The following PEX5L variants were observed in gnomAD, a reference collection of about 807,000 sequenced individuals.
The protein encoded by PEX5L is PEX5-related protein.
Under a neutral mutation model 84.0 loss-of-function variants are expected in PEX5L, and 30 were observed. The observed-to-expected ratio is 0.36, with a 90% CI of 0.27 to 0.48. The LOEUF is 0.48. PEX5L is among the 20% of genes least tolerant of loss of function. The pLI is 0.99. For missense variants in PEX5L, 533 were observed against 754.6 expected, an observed-to-expected ratio of 0.71 and a Z score of 3.44; for synonymous variants, 270 against 283.1, an observed-to-expected ratio of 0.95 and a Z score of 0.46.
chr3:180,036,725 TGGAG>T lies in PEX5L; in HGVS notation c.-130_-127del. The T allele has an allele frequency of 2.9e-6, 3 of 1,021,726 alleles. No homozygotes were observed. The highest frequency in any genetic ancestry group is 4.6e-6 in the Non-Finnish European group (3 of 648,932). The allele number at this position is 1,021,726 out of a possible 1,614,324, so 63.3% of individuals were successfully genotyped here. ...TCTCAGAGGGTGCTCCTGAGCCCCC[TGGAG>T]CTCCGGGTACTCGGCCGGCCGGCGG... On this transcript the variant is annotated 5_prime_UTR_variant, in exon 1 of 15. Transcript: ENST00000467460.
chr3:179,866,452 C>T (rs1256710952), intron 7 of PEX5L, among the ~76,000 whole-genome samples: 1 of 152,194 alleles, frequency 6.6e-6, no homozygotes, highest in Non-Finnish European at 1.5e-5. Context: ...CTATTTTCAT[C>T]TGTAAAGCAT....
At chr3:179,944,067 T>G (rs921001677) in intron 2 of PEX5L, among the ~76,000 whole-genome samples, 2 of 151,688 alleles carry the variant, frequency 1.3e-5, no homozygotes, top group African/African-American at 4.9e-5. Context: ...TAGAACAATT[T>G]ATGAATTCAA....
chr3:179,879,841 C>T, intron 5 of PEX5L, 88 bp downstream of exon 5: 1 of 900,092 alleles, frequency 1.1e-6, no homozygotes, highest in Non-Finnish European at 1.7e-6. Flanking sequence ...CCTTTGTTCT[C>T]TGTTTAATGC....
intron 8 of PEX5L, among the ~76,000 whole-genome samples, chr3:179,839,045 AAATCTATTTTTTTTTC>A: frequency 6.6e-6 from 1 of 152,194 alleles, no homozygotes; most frequent in South Asian, 2.1e-4. Flanking sequence ...AAGAAAAAAA[AAATCTATTTTTTTTTC>A]GGTAGAAAGA....
intron 1 of PEX5L, among the ~76,000 whole-genome samples, chr3:179,979,611 G>A (rs982116115): frequency 2.0e-5 from 3 of 152,068 alleles, no homozygotes; most frequent in African/African-American, 4.8e-5. Context: ...GAGAATTGAC[G>A]TATTATCTTG....
intron 8 of PEX5L, among the ~76,000 whole-genome samples, chr3:179,830,047 T>G (rs1172716438): frequency 6.6e-6 from 1 of 150,504 alleles, no homozygotes; most frequent in Non-Finnish European, 1.5e-5. Context: ...TCCACCCACC[T>G]TGGCCTCCCA....
chr3:179,833,269 A>C (rs187010148), intron 8 of PEX5L, among the ~76,000 whole-genome samples: 1 of 152,358 alleles, frequency 6.6e-6, no homozygotes, highest in East Asian at 1.9e-4. Context: ...TACAAAGAGC[A>C]ACAATATTGA....
chr3:179,807,090 A>G (rs1218116130), intron 14 of PEX5L, among the ~76,000 whole-genome samples: 1 of 152,266 alleles, frequency 6.6e-6, no homozygotes, highest in African/African-American at 2.4e-5. Flanking sequence ...GGAAAAAGAA[A>G]GAGAGGACGC....
intron 1 of PEX5L, among the ~76,000 whole-genome samples, chr3:180,006,014 T>G (rs1268315364): frequency 2.6e-5 from 4 of 152,246 alleles, no homozygotes; most frequent in African/African-American, 4.8e-5. Flanking sequence ...TTTAGAAGTC[T>G]CCTGCTATTG....
chr3:179,939,729 A>G (rs1238964346), intron 2 of PEX5L, among the ~76,000 whole-genome samples: 1 of 152,118 alleles, frequency 6.6e-6, no homozygotes, highest in African/African-American at 2.4e-5. Flanking sequence ...CATAAGCCAT[A>G]AAGAGGTTAC....
intron 2 of PEX5L, among the ~76,000 whole-genome samples, chr3:179,960,816 ACTC>A (rs1452044811): frequency 6.6e-6 from 1 of 152,138 alleles, no homozygotes; most frequent in Non-Finnish European, 1.5e-5. Context: ...TTCAGGGACT[ACTC>A]CAATAGTTCA....
At chr3:179,958,741 TACTTA>T (rs1324664399) in intron 2 of PEX5L, among the ~76,000 whole-genome samples, 2 of 152,230 alleles carry the variant, frequency 1.3e-5, no homozygotes, top group African/African-American at 4.8e-5. Flanking sequence ...GGATTTAAGA[TACTTA>T]ACTTGTCTTT....
At chr3:179,915,102 C>T (rs141376388) in intron 2 of PEX5L, among the ~76,000 whole-genome samples, 88 of 152,244 alleles carry the variant, frequency 5.8e-4, no homozygotes, top group African/African-American at 2.0e-3. Flanking sequence ...GGAAGTGATT[C>T]CTTTGTATGC....
At chr3:179,873,380 T>G (rs904847593) in intron 7 of PEX5L, among the ~76,000 whole-genome samples, 2 of 152,180 alleles carry the variant, frequency 1.3e-5, no homozygotes, top group African/African-American at 4.8e-5. Context: ...TTCTCTTGCT[T>G]ATTTTATCAC....
intron 8 of PEX5L, among the ~76,000 whole-genome samples, chr3:179,852,480 T>C (rs780759029): frequency 2.2e-4 from 33 of 152,318 alleles, no homozygotes; most frequent in Non-Finnish European, 3.5e-4. Context: ...TAAGCTCCCA[T>C]ATTTTGAAGG....
chr3:179,863,484 A>G (rs1038183541), intron 7 of PEX5L, among the ~76,000 whole-genome samples: 1 of 152,150 alleles, frequency 6.6e-6, no homozygotes, highest in Non-Finnish European at 1.5e-5. Context: ...ACTTAACTCA[A>G]TAGCAAGAAA....
At position 179,797,601 on chromosome 3, in the gene PEX5L, AAAAAATAT is replaced by A. The variant is rs1366115870; in HGVS notation, c.*4219_*4226del. On this transcript the variant is annotated 3_prime_UTR_variant, in exon 15 of 15. Coordinates refer to ENST00000467460, the MANE Select transcript of PEX5L (RefSeq NM_016559.3). ...TATGAACACTCTTTAAAAAAAAAAAAAAAAATATATATATATATATATATATATATCTA... is the reference window on the plus strand; with the variant it reads ...TATGAACACTCTTTAAAAAAAAAAAAATATATATATATATATATATATCTA... 136 of 107,076 alleles carry A rather than the reference AAAAAATAT, an allele frequency of 1.3e-3. 2 individuals are homozygous for A. Among genetic ancestry groups the A allele is most frequent in the East Asian group, 7.1e-3 (25 of 3,500 alleles). The allele number at this position is 107,076 out of a possible 1,614,324, so 6.6% of individuals were successfully genotyped here. A position where few individuals can be genotyped will look rare whatever the true frequency, so the allele number is the denominator to read the frequency against.
rs1284561985 is a variant in PEX5L at position 179,887,932 on chromosome 3, G to GA, written c.199-149dup. ...TAAATAATGGGGTGGGGGCAAGAAAGAAAAAATATCAAGAGGTGGGGAATG... is the reference window on the plus strand; with the variant it reads ...TAAATAATGGGGTGGGGGCAAGAAAGAAAAAAATATCAAGAGGTGGGGAATG... On this transcript the variant is annotated intron_variant, in intron 3 of 14. Transcript: ENST00000467460. 7.4e-6 allele frequency: 5 copies of GA among 679,722 alleles called. No homozygotes were observed. The Admixed American group carries it at 1.1e-4, about 15-fold the overall frequency. The allele number at this position is 679,722 out of a possible 1,614,324, so 42.1% of individuals were successfully genotyped here.
At chr3:179,975,857 CA>C (rs370706139) in intron 1 of PEX5L, among the ~76,000 whole-genome samples, 9 of 152,074 alleles carry the variant, frequency 5.9e-5, no homozygotes, top group African/African-American at 2.2e-4. Flanking sequence ...TTTTGAGTGT[CA>C]ATGAGGAGAA....
Sources: allele counts gnomAD v4.1 joint callset (sites outside exome capture counted in the v4.1 genomes callset), GRCh38; gene constraint gnomAD v4.1.1; transcripts MANE v1.5; gene names NCBI Gene and HGNC (gene_info 2026-07-23, HGNC 2026-07-21).